EXOC4: variants seen among roughly 807,000 people sequenced by gnomAD.
EXOC4 encodes SEC8-like 1.
In EXOC4, 71 loss-of-function variants were observed where a neutral mutation model predicts 107.2. The observed-to-expected ratio is 0.66, with a 90% confidence interval of 0.55 to 0.81. The LOEUF is 0.81. Among genes scored for constraint, EXOC4 ranks in the 30% least tolerant of loss-of-function variants. EXOC4 has a pLI of 0.00. For synonymous variants in EXOC4, 456 were observed against 441.2 expected (o/e 1.03, Z -0.42); for missense variants, 1,108 against 1,189.6 (o/e 0.93, Z 1.01).
At chr7:133,656,926 A>G (rs569342814) in intron 10 of EXOC4, among the ~76,000 whole-genome samples, 1 of 152,312 alleles carries the variant, frequency 6.6e-6, no homozygotes, top group Admixed American at 6.5e-5. Context: ...TTCAAATAAC[A>G]AATGGCACTT....
intron 14 of EXOC4, among the ~76,000 whole-genome samples, chr7:133,987,435 AAAG>A (rs1298601324): frequency 6.6e-6 from 1 of 151,774 alleles, no homozygotes; most frequent in Non-Finnish European, 1.5e-5. Context: ...GGAAGGGAGA[AAAG>A]AGATGGAAGG....
intron 9 of EXOC4, among the ~76,000 whole-genome samples, chr7:133,536,242 T>G (rs1800267362): frequency 6.6e-6 from 1 of 152,238 alleles, no homozygotes; most frequent in African/African-American, 2.4e-5. Flanking sequence ...GAATAAATGT[T>G]CAACAAATTA....
At chr7:133,257,916 A>G (rs1209576701) in intron 1 of EXOC4, among the ~76,000 whole-genome samples, 3 of 152,230 alleles carry the variant, frequency 2.0e-5, no homozygotes, top group Admixed American at 2.0e-4. Flanking sequence ...GGCTTTGACC[A>G]GGGCTTTGAA....
chr7:133,283,063 A>C (rs1478673543), intron 2 of EXOC4, among the ~76,000 whole-genome samples: 1 of 152,208 alleles, frequency 6.6e-6, no homozygotes, highest in Non-Finnish European at 1.5e-5. Context: ...GATTTCACTT[A>C]ACATAATGTC....
chr7:133,869,526 C>A (rs1312188628), intron 11 of EXOC4, among the ~76,000 whole-genome samples: 2 of 152,176 alleles, frequency 1.3e-5, no homozygotes, highest in African/African-American at 4.8e-5. Flanking sequence ...CCCTTTCTAT[C>A]CACACATCTC....
rs1366858863 is a variant in EXOC4 at position 133,660,951 on chromosome 7, AC to A, written c.1514+30814del. On this transcript the variant is annotated intron_variant, in intron 10 of 17. Coordinates refer to ENST00000253861, the MANE Select transcript of EXOC4 (RefSeq NM_021807.4). ...TAACAGTCATTTGATATTTTAAAAA[AC>A]CCCAGAAATCTGAGAAAGAGATAAA... Among the ~76,000 whole-genome samples, 5 of 152,174 alleles carry A rather than the reference AC, an allele frequency of 3.3e-5. No individual in the cohort carries two copies. In the East Asian group the frequency reaches 5.8e-4, roughly 18 times the overall value.
chr7:133,772,083 C>T (rs1796254803), intron 10 of EXOC4, among the ~76,000 whole-genome samples: 1 of 152,024 alleles, frequency 6.6e-6, no homozygotes, highest in Middle Eastern at 3.4e-3. Flanking sequence ...GTCACCCCCT[C>T]CTCATATTCC....
At chr7:133,433,001 T>C (rs1183905520) in intron 7 of EXOC4, among the ~76,000 whole-genome samples, 1 of 152,232 alleles carries the variant, frequency 6.6e-6, no homozygotes, top group Admixed American at 6.5e-5. Context: ...ATCATGTCCG[T>C]TTATACGATA....
At chr7:133,768,739 T>C (rs1259047885) in intron 10 of EXOC4, among the ~76,000 whole-genome samples, 1 of 151,982 alleles carries the variant, frequency 6.6e-6, no homozygotes, top group African/African-American at 2.4e-5. Context: ...CTCTTTGAGA[T>C]TGACTATCAT....
At chr7:133,302,339 T>G (rs1794658085) in intron 3 of EXOC4, among the ~76,000 whole-genome samples, 1 of 152,212 alleles carries the variant, frequency 6.6e-6, no homozygotes, top group Admixed American at 6.5e-5. Context: ...CCAACTGTGT[T>G]GACTAGAACA....
chr7:133,471,849 A>C (rs150372602), intron 7 of EXOC4, among the ~76,000 whole-genome samples: 3 of 152,350 alleles, frequency 2.0e-5, no homozygotes, highest in African/African-American at 7.2e-5. Context: ...ATTATTAAAT[A>C]AGGACTAATA....
At chr7:133,474,409 G>A (rs539756989) in intron 7 of EXOC4, among the ~76,000 whole-genome samples, 31 of 152,156 alleles carry the variant, frequency 2.0e-4, no homozygotes, top group Admixed American at 1.7e-3. Context: ...TCTGGTTCAA[G>A]TGATTCTTGT....
chr7:133,950,357 C>A (rs896151254), intron 14 of EXOC4, among the ~76,000 whole-genome samples: 4 of 152,128 alleles, frequency 2.6e-5, no homozygotes, highest in African/African-American at 9.7e-5. Context: ...TATTTTAAGC[C>A]TGAAAAAATT....
intron 11 of EXOC4, among the ~76,000 whole-genome samples, chr7:133,872,696 A>G (rs1026547891): frequency 2.0e-5 from 3 of 152,250 alleles, no homozygotes; most frequent in Non-Finnish European, 4.4e-5. Flanking sequence ...TTTCAGTTAC[A>G]TGGGAACTGT....
chr7:133,903,080 C>A (rs1365064319), intron 12 of EXOC4, among the ~76,000 whole-genome samples: 1 of 152,092 alleles, frequency 6.6e-6, no homozygotes, highest in Non-Finnish European at 1.5e-5. Context: ...GGGCAAAGGC[C>A]AGGAGGCAGG....
At chr7:133,701,919 C>G (rs994647253) in intron 10 of EXOC4, among the ~76,000 whole-genome samples, 3 of 151,518 alleles carry the variant, frequency 2.0e-5, no homozygotes, top group Non-Finnish European at 2.9e-5. Flanking sequence ...CTCAGCCACC[C>G]ATGGGGACAA....
Position 133,523,733 on chromosome 7 carries a change from A to G in EXOC4, c.1417+43595A>G, listed in dbSNP as rs113973548. On this transcript the variant is annotated intron_variant, in intron 9 of 17. Transcript: ENST00000253861. ...TTGCGATAGTTTACTGAGAATGATG[A>G]TTTCCAATTTCATCCATGTCCCTAC... 1.8e-3 allele frequency among the ~76,000 whole-genome samples: 276 copies of G among 152,052 alleles called. 1 individual carries two copies. The highest frequency in any genetic ancestry group is 6.1e-3 in the African/African-American group (253 of 41,448).
chr7:134,069,415 C>T (rs1796241167), downstream of EXOC4, among the ~76,000 whole-genome samples: 1 of 148,654 alleles, frequency 6.7e-6, no homozygotes, highest in Non-Finnish European at 1.5e-5. Context: ...TCTCCTTCCT[C>T]CTTCCTCCTC....
intron 9 of EXOC4, among the ~76,000 whole-genome samples, chr7:133,531,394 A>G (rs1800178774): frequency 6.6e-6 from 1 of 152,146 alleles, no homozygotes; most frequent in South Asian, 2.1e-4. Context: ...CATGTTTAGC[A>G]TTTTAGATTT....
Sources: allele counts gnomAD v4.1 joint callset (sites outside exome capture counted in the v4.1 genomes callset), GRCh38; gene constraint gnomAD v4.1.1; transcripts MANE v1.5; gene names NCBI Gene and HGNC (gene_info 2026-07-23, HGNC 2026-07-21).